ADAM12: variants seen among roughly 807,000 people sequenced by gnomAD.
ADAM12 encodes ADAM metallopeptidase domain 12, also known as disintegrin and metalloproteinase domain-containing protein 12.
In ADAM12, 70 loss-of-function variants were observed where a neutral mutation model predicts 106.4. The ratio of observed to expected loss-of-function variants is 0.66; its 90% CI spans 0.54 to 0.80. The LOEUF is 0.80. Ranked by LOEUF, ADAM12 falls within the 30% of genes least tolerant of loss-of-function variation. The pLI is 0.00. For synonymous variants in ADAM12, 420 were observed against 433.5 expected (o/e 0.97, Z 0.39); for missense variants, 1,010 against 1,171.9 (o/e 0.86, Z 2.02).
rs1033879521 is a variant in ADAM12 at position 126,012,556 on chromosome 10, T to C, written c.*4723A>G. 1 of 151,168 alleles carries C rather than the reference T, an allele frequency of 6.6e-6. No homozygotes were observed. Among genetic ancestry groups the C allele is most frequent in the Non-Finnish European group, 1.5e-5 (1 of 68,036 alleles). 9.4% of individuals were successfully genotyped at this position (151,168 alleles called of 1,614,324 possible). A position where few individuals can be genotyped will look rare whatever the true frequency, so the allele number is the denominator to read the frequency against. On this transcript the variant is annotated 3_prime_UTR_variant, in exon 23 of 23. Transcript: ENST00000448723. ...AAAAAATTAGCAAACCAAAGCATGA[T>C]AAATGGATGAAGCACTATAAAATTA... is the stretch of plus-strand genomic sequence containing the variant.
chr10:126,256,435 G>C (rs1958893578), intron 3 of ADAM12, among the ~76,000 whole-genome samples: 1 of 152,146 alleles, frequency 6.6e-6, no homozygotes, highest in South Asian at 2.1e-4. Context: ...TCTGTAAAAT[G>C]GGTGACGTGG....
Position 126,339,563 on chromosome 10 carries a change from G to T in ADAM12, c.89-9054C>A, listed in dbSNP as rs538911204. Among the ~76,000 whole-genome samples the T allele has an allele frequency of 2.6e-5, 4 of 152,262 alleles. No individual in the cohort carries two copies. The South Asian group carries it at 8.3e-4, about 32-fold the overall frequency. Reference sequence around the variant, plus strand: ...TTCTAGATAGCCTCATCACCTGCAGGTTCTCCCTCTTTCAATCTTAAAGGA... The same window carrying T: ...TTCTAGATAGCCTCATCACCTGCAGTTTCTCCCTCTTTCAATCTTAAAGGA... On this transcript the variant is annotated intron_variant, in intron 1 of 22. Coordinates refer to ENST00000448723, the MANE Select transcript of ADAM12 (RefSeq NM_001288973.2).
At chr10:126,031,742 A>G (rs141535505) in intron 21 of ADAM12, among the ~76,000 whole-genome samples, 223 of 152,284 alleles carry the variant, frequency 1.5e-3, no homozygotes, top group African/African-American at 5.1e-3. Context: ...TATAATACAG[A>G]CAGATAAAAG....
At chr10:126,272,469 G>A (rs947524574) in intron 3 of ADAM12, among the ~76,000 whole-genome samples, 2 of 152,114 alleles carry the variant, frequency 1.3e-5, no homozygotes, top group African/African-American at 4.8e-5. Flanking sequence ...CAAGCACATT[G>A]TCTTAATTAG....
intron 2 of ADAM12, among the ~76,000 whole-genome samples, chr10:126,316,168 G>GTCC (rs1407883840): frequency 1.1e-3 from 166 of 152,326 alleles, no homozygotes; most frequent in African/African-American, 3.6e-3. Context: ...ATTTCTAAGA[G>GTCC]TTCTGTTTGA....
At chr10:126,149,373 T>C (rs1956688058) in intron 4 of ADAM12, among the ~76,000 whole-genome samples, 1 of 152,222 alleles carries the variant, frequency 6.6e-6, no homozygotes, top group Non-Finnish European at 1.5e-5. Flanking sequence ...TCTAGTCCTC[T>C]ATTTCTTCGT....
chr10:126,184,797 A>G (rs1957370951), intron 3 of ADAM12, among the ~76,000 whole-genome samples: 1 of 152,228 alleles, frequency 6.6e-6, no homozygotes, highest in Non-Finnish European at 1.5e-5. Context: ...TGAGAGGACC[A>G]GAGTTCAAAT....
At chr10:126,118,719 G>A (rs572228766) in intron 5 of ADAM12, among the ~76,000 whole-genome samples, 1 of 152,280 alleles carries the variant, frequency 6.6e-6, no homozygotes, top group South Asian at 2.1e-4. Flanking sequence ...TCTGAGTAGT[G>A]TACGTTGTAC....
chr10:126,173,815 T>C (rs1957165857), intron 3 of ADAM12, among the ~76,000 whole-genome samples: 1 of 151,908 alleles, frequency 6.6e-6, no homozygotes, highest in Non-Finnish European at 1.5e-5. Context: ...GTCTGGGACC[T>C]TGGTGTCAGA....
intron 11 of ADAM12, among the ~76,000 whole-genome samples, chr10:126,086,680 A>AAAAAAAAAAATAT (rs1554966976): frequency 8.2e-5 from 2 of 24,274 alleles, no homozygotes; most frequent in African/African-American, 3.2e-4. Flanking sequence ...AAAAAAAAAA[A>AAAAAAAAAAATAT]ATATATATAT....
chr10:126,263,624 T>C (rs11244920), intron 3 of ADAM12, among the ~76,000 whole-genome samples: 70,049 of 151,482 alleles, frequency 0.46, 16,579 homozygotes, highest in South Asian at 0.63. Flanking sequence ...GGGAGGGGGG[T>C]GTATTTTACA....
At chr10:126,288,661 C>G (rs1476166267) in intron 2 of ADAM12, among the ~76,000 whole-genome samples, 1 of 151,150 alleles carries the variant, frequency 6.6e-6, no homozygotes, top group Non-Finnish European at 1.5e-5. Flanking sequence ...CATGGTGGCC[C>G]TAAGGACAGG....
intron 3 of ADAM12, among the ~76,000 whole-genome samples, chr10:126,218,182 G>T (rs1266570202): frequency 2.6e-5 from 4 of 151,688 alleles, no homozygotes; most frequent in Non-Finnish European, 4.4e-5. Flanking sequence ...GTGTGTGTGT[G>T]GGGGGGCAGG....
intron 3 of ADAM12, among the ~76,000 whole-genome samples, chr10:126,234,897 G>A (rs893269611): frequency 1.3e-5 from 2 of 152,214 alleles, no homozygotes; most frequent in Non-Finnish European, 2.9e-5. Context: ...AGGGGCACGT[G>A]GAGAGACCTA....
intron 2 of ADAM12, among the ~76,000 whole-genome samples, chr10:126,320,952 T>C (rs933971740): frequency 2.6e-5 from 4 of 152,354 alleles, no homozygotes; most frequent in African/African-American, 9.6e-5. Context: ...ATAAGTTGTT[T>C]ATTTTTTAAA....
chr10:126,138,467 C>A lies in ADAM12; in HGVS notation c.340-2807G>T, dbSNP rs191858031. On this transcript the variant is annotated intron_variant, in intron 4 of 22. Transcript: ENST00000448723. Reference sequence around the variant, plus strand: ...TCGGCTCATTGCAACCTCTGCTTCCCGGGTTCAAGTGATTCTCCTGCCTCA... The same window carrying A: ...TCGGCTCATTGCAACCTCTGCTTCCAGGGTTCAAGTGATTCTCCTGCCTCA... Among the ~76,000 whole-genome samples the A allele has an allele frequency of 2.0e-5, 3 of 152,124 alleles. 1 individual carries two copies. The highest frequency in any genetic ancestry group is 7.2e-5 in the African/African-American group (3 of 41,420).
At chr10:126,293,933 A>T (rs1250279240) in intron 2 of ADAM12, among the ~76,000 whole-genome samples, 1 of 152,128 alleles carries the variant, frequency 6.6e-6, no homozygotes, top group Non-Finnish European at 1.5e-5. Flanking sequence ...GCCACATTTT[A>T]CCTGAAATGT....
At chr10:126,075,292 A>G (rs1162981194) in intron 11 of ADAM12, among the ~76,000 whole-genome samples, 4 of 152,226 alleles carry the variant, frequency 2.6e-5, no homozygotes, top group African/African-American at 4.8e-5. Flanking sequence ...TAGGATATTT[A>G]TGAACCCTAT....
intron 1 of ADAM12, among the ~76,000 whole-genome samples, chr10:126,342,573 G>C (rs1854967281): frequency 6.6e-6 from 1 of 152,126 alleles, no homozygotes; most frequent in African/African-American, 2.4e-5. Context: ...GAAGCCAAAA[G>C]AGTAAAGAAA....
Sources: gnomAD v4.1 joint callset for allele counts (sites outside exome capture counted in the v4.1 genomes callset) on GRCh38, gnomAD v4.1.1 for gene constraint, MANE v1.5 for transcripts, NCBI Gene and HGNC (gene_info 2026-07-23, HGNC 2026-07-21) for gene names.